MSRB3: variants seen among roughly 807,000 people sequenced by gnomAD.
MSRB3 encodes methionine-R-sulfoxide reductase B3.
In MSRB3, 13 loss-of-function variants were observed where a neutral mutation model predicts 21.0. The observed-to-expected ratio is 0.62, with a 90% CI of 0.40 to 0.98. The LOEUF (loss-of-function observed/expected upper bound fraction) is 0.98, where lower values mean the gene tolerates loss of function less well. MSRB3 is among the 50% of genes least tolerant of loss of function. The pLI, the probability that MSRB3 is intolerant of heterozygous loss-of-function variation, is 0.00. For missense variants in MSRB3, 199 were observed against 230.3 expected (o/e 0.86, Z 0.88); for synonymous variants, 87 against 88.6 (o/e 0.98, Z 0.10).
intron 1 of MSRB3, among the ~76,000 whole-genome samples, chr12:65,291,921 G>T (rs1337508999): frequency 6.6e-6 from 1 of 152,176 alleles, no homozygotes; most frequent in East Asian, 1.9e-4. Flanking sequence ...AATAACTCCA[G>T]CTGCTTTGTG....
chr12:65,463,689 A>G lies in MSRB3; in HGVS notation c.*367A>G. 3.2e-6 allele frequency: 1 copy of G among 309,838 alleles called. No individual in the cohort carries two copies. The highest frequency in any genetic ancestry group is 6.2e-6 in the Non-Finnish European group (1 of 161,920). 19.2% of individuals were successfully genotyped at this position (309,838 alleles called of 1,614,324 possible). A position where few individuals can be genotyped will look rare whatever the true frequency, so the allele number is the denominator to read the frequency against. Reference sequence around the variant, plus strand: ...AAAATAGAGATCTCCTCTGCAGTGTAGAGACCAGAGCTGGGCAGTGCAGGG... The same window carrying G: ...AAAATAGAGATCTCCTCTGCAGTGTGGAGACCAGAGCTGGGCAGTGCAGGG... On this transcript the variant is annotated 3_prime_UTR_variant, in exon 7 of 7. Transcript: ENST00000308259.
intron 1 of MSRB3, among the ~76,000 whole-genome samples, chr12:65,300,869 T>C (rs926066169): frequency 1.3e-5 from 2 of 152,194 alleles, no homozygotes; most frequent in Non-Finnish European, 2.9e-5. Context: ...CTAAGTACTC[T>C]GGCTTGGAAG....
chr12:65,382,606 T>C (rs1878997268), intron 5 of MSRB3, among the ~76,000 whole-genome samples: 2 of 151,836 alleles, frequency 1.3e-5, no homozygotes, highest in Non-Finnish European at 2.9e-5. Context: ...ATTTATTCAA[T>C]TTTTTTTCAT....
chr12:65,386,010 T>C (rs1879180753), intron 5 of MSRB3, among the ~76,000 whole-genome samples: 1 of 152,014 alleles, frequency 6.6e-6, no homozygotes, highest in South Asian at 2.1e-4. Flanking sequence ...TAGTACACTT[T>C]TGTCTCTGAC....
chr12:65,318,538 G>T (rs561710560), intron 2 of MSRB3, among the ~76,000 whole-genome samples: 3 of 152,018 alleles, frequency 2.0e-5, no homozygotes, highest in African/African-American at 7.2e-5. Context: ...TTCTAGTGAA[G>T]ACCCATACTG....
intron 2 of MSRB3, among the ~76,000 whole-genome samples, chr12:65,317,639 G>T (rs1440703406): frequency 6.6e-6 from 1 of 152,062 alleles, no homozygotes; most frequent in African/African-American, 2.4e-5. Flanking sequence ...TAAATCCAGA[G>T]AATTAATCAA....
At chr12:65,424,212 T>C (rs1434284188) in intron 5 of MSRB3, among the ~76,000 whole-genome samples, 1 of 152,078 alleles carries the variant, frequency 6.6e-6, no homozygotes, top group East Asian at 1.9e-4. Flanking sequence ...TTGTCTTTTT[T>C]TTTTCCCTGA....
chr12:65,414,763 A>G (rs1880888040), intron 5 of MSRB3, among the ~76,000 whole-genome samples: 1 of 152,212 alleles, frequency 6.6e-6, no homozygotes, highest in Non-Finnish European at 1.5e-5. Flanking sequence ...GGAGTCAAGG[A>G]AAACCTCAAG....
intron 1 of MSRB3, among the ~76,000 whole-genome samples, chr12:65,296,223 G>A (rs1251021273): frequency 6.6e-6 from 1 of 152,126 alleles, no homozygotes; most frequent in Non-Finnish European, 1.5e-5. Context: ...AGTAATCTTA[G>A]TTGAGTTGTC....
chr12:65,398,446 T>G (rs1879935840), intron 5 of MSRB3, among the ~76,000 whole-genome samples: 1 of 152,224 alleles, frequency 6.6e-6, no homozygotes, highest in South Asian at 2.1e-4. Flanking sequence ...CGCCCACTTT[T>G]TGATGGGGTT....
At chr12:65,335,969 G>A (rs1875738572) in intron 4 of MSRB3, among the ~76,000 whole-genome samples, 4 of 152,158 alleles carry the variant, frequency 2.6e-5, no homozygotes, top group Non-Finnish European at 5.9e-5. Flanking sequence ...ATAAACTAGA[G>A]TTCTGAGTGG....
At chr12:65,433,845 G>A (rs181540486) in intron 5 of MSRB3, among the ~76,000 whole-genome samples, 1 of 151,924 alleles carries the variant, frequency 6.6e-6, no homozygotes, top group East Asian at 1.9e-4. Flanking sequence ...AATAAGAGAC[G>A]ACCCATTCCA....
intron 1 of MSRB3, among the ~76,000 whole-genome samples, chr12:65,289,418 G>T (rs975380718): frequency 1.3e-5 from 2 of 152,118 alleles, no homozygotes; most frequent in South Asian, 2.1e-4. Context: ...TGCTTGAACC[G>T]GGAGGCAGAG....
intron 5 of MSRB3, among the ~76,000 whole-genome samples, chr12:65,402,244 A>T (rs1880169563): frequency 6.6e-6 from 1 of 152,188 alleles, no homozygotes; most frequent in Non-Finnish European, 1.5e-5. Context: ...ACTTTCGGGT[A>T]CACCAGTCAA....
At position 65,463,620 on chromosome 12, in the gene MSRB3, C is replaced by T; in HGVS notation, c.*298C>T. On this transcript the variant is annotated 3_prime_UTR_variant, in exon 7 of 7. Coordinates refer to ENST00000308259, the MANE Select transcript of MSRB3 (RefSeq NM_001031679.3). ...GCACATGGCTTCTTTTGCAGTTTTT[C>T]CCCCTTTGATTCAGAAGCAGAGGGT... is the stretch of plus-strand genomic sequence containing the variant. 2 of 378,066 alleles carry T rather than the reference C, an allele frequency of 5.3e-6. No individual in the cohort carries two copies. The highest frequency in any genetic ancestry group is 2.4e-5 in the South Asian group (1 of 41,662). 23.4% of individuals were successfully genotyped at this position (378,066 alleles called of 1,614,324 possible).
chr12:65,316,250 A>G (rs528125165), intron 2 of MSRB3: 49 of 152,206 alleles, frequency 3.2e-4, no homozygotes, highest in African/African-American at 1.1e-3. Context: ...TATGACCTTC[A>G]GGTGAGGGTT....
At chr12:65,413,664 C>G (rs1398280271) in intron 5 of MSRB3, among the ~76,000 whole-genome samples, 1 of 152,048 alleles carries the variant, frequency 6.6e-6, no homozygotes, top group African/African-American at 2.4e-5. Context: ...ACAAAACAGA[C>G]AAAAATCTCC....
At chr12:65,402,434 G>A (rs1880180769) in intron 5 of MSRB3, among the ~76,000 whole-genome samples, 1 of 152,100 alleles carries the variant, frequency 6.6e-6, no homozygotes, top group Admixed American at 6.6e-5. Flanking sequence ...GCTTCACGAA[G>A]TTCTTGCGCT....
intron 5 of MSRB3, among the ~76,000 whole-genome samples, chr12:65,373,213 A>T (rs1878418988): frequency 6.6e-6 from 1 of 152,216 alleles, no homozygotes; most frequent in Non-Finnish European, 1.5e-5. Flanking sequence ...AACTGAAAAA[A>T]GATGTTTTTC....
Sources: gnomAD v4.1 joint callset for allele counts (sites outside exome capture counted in the v4.1 genomes callset) on GRCh38, gnomAD v4.1.1 for gene constraint, MANE v1.5 for transcripts, NCBI Gene and HGNC (gene_info 2026-07-23, HGNC 2026-07-21) for gene names.